Variants in KRTDAP observed in about 807,000 individuals in gnomAD.
The protein encoded by KRTDAP is keratinocyte differentiation associated protein.
KRTDAP carries 14 observed loss-of-function variants against 18.6 expected under a neutral mutation model. The ratio of observed to expected loss-of-function variants is 0.75; its 90% confidence interval spans 0.50 to 1.18. The LOEUF (loss-of-function observed/expected upper bound fraction) is 1.18, where lower values mean the gene tolerates loss of function less well. Ranked by LOEUF, KRTDAP falls within the 50% of genes most tolerant of loss-of-function variation. The probability of loss-of-function intolerance (pLI) is 0.00; values close to 1 mark genes in which losing one functional copy is unlikely to be tolerated. For synonymous variants in KRTDAP, 53 were observed against 49.5 expected, an observed-to-expected ratio of 1.07 and a Z score of -0.29; for missense variants, 114 against 121.3, an observed-to-expected ratio of 0.94 and a Z score of 0.28.
intron 4 of KRTDAP, 135 bp from the exon 5 acceptor site, chr19:35,487,894 G>A (rs902216500): frequency 4.5e-6 from 3 of 665,536 alleles, no homozygotes; most frequent in Admixed American, 2.3e-5. Flanking sequence ...TTTATCAAGA[G>A]CTAATATTTC....
At chr19:35,490,054 A>G (rs2067513610) in intron 1 of KRTDAP, among the ~76,000 whole-genome samples, 1 of 112,208 alleles carries the variant, frequency 8.9e-6, no homozygotes. Context: ...GAATGGGTGA[A>G]CACTCTTGAG....
At chr19:35,488,051 A>C (rs551308420) in intron 4 of KRTDAP, among the ~76,000 whole-genome samples, 26 of 152,162 alleles carry the variant, frequency 1.7e-4, no homozygotes, top group African/African-American at 6.0e-4. Context: ...AGGCGTTCGC[A>C]TGAGGCCATG....
chr19:35,488,207 A>G (rs1004891357), intron 4 of KRTDAP, among the ~76,000 whole-genome samples: 1 of 152,158 alleles, frequency 6.6e-6, no homozygotes, highest in African/African-American at 2.4e-5. Context: ...CTCTTCTGCA[A>G]TTGTCCTTGG....
Position 35,488,944 on chromosome 19 carries a change from C to A in KRTDAP, c.88-104G>T. On this transcript the variant is annotated intron_variant, in intron 1 of 5. Coordinates refer to ENST00000338897, the MANE Select transcript of KRTDAP (RefSeq NM_207392.3). ...CTGCCTTCATCCACAGCCCAGTCCC[C>A]GAAAGAACGCAACCCATTCCCCACC... 2.8e-6 allele frequency: 3 copies of A among 1,063,024 alleles called. No homozygotes were observed. In the South Asian group the frequency reaches 4.3e-5, roughly 15 times the overall value. The allele number at this position is 1,063,024 out of a possible 1,614,324, so 65.8% of individuals were successfully genotyped here.
intron 4 of KRTDAP, 23 bp from the exon 5 acceptor site, chr19:35,487,782 G>T: frequency 6.3e-7 from 1 of 1,594,776 alleles, no homozygotes. Context: ...AAGAGAAAGA[G>T]AGTGATGTGT....
rs1234069215 is a variant in KRTDAP, at chr19:35,487,441, G to A, written c.287C>T (p.Pro96Leu). The part of the protein sequence containing the change: ...PKLKGLRSAT[P>L]DAQ ...TGGAGGTCATGGTCACTGGGCATCA[G>A]GAGTTGCGCTCCTCAGTCCTTTCAG... Residue 96 changes from proline (P) to leucine (L), a missense_variant, in exon 6 of 6, where the codon CCT becomes CTT. Transcript: ENST00000338897. 1 of 1,614,136 alleles carries A rather than the reference G, an allele frequency of 6.2e-7. No homozygotes were observed. The highest frequency in any genetic ancestry group is 2.2e-5 in the East Asian group (1 of 44,888).
At position 35,488,425 on chromosome 19, in the gene KRTDAP, G is replaced by A. The variant is rs772533973; in HGVS notation, c.213+16C>T. 1.8e-5 allele frequency: 29 copies of A among 1,611,262 alleles called. No homozygotes were observed. The highest frequency in any genetic ancestry group is 8.8e-5 in the South Asian group (8 of 90,464). On this transcript the variant is annotated intron_variant, in intron 4 of 5. Transcript: ENST00000338897. ...TGCAGACAACCGAGGAGGGCAAGGG[G>A]CGCCGGAGCACTCACCTCAAAGAGG... is the stretch of plus-strand genomic sequence containing the variant.
At chr19:35,490,253 T>G in intron 1 of KRTDAP, 103 bp downstream of exon 1, 1 of 682,386 alleles carries the variant, frequency 1.5e-6, no homozygotes, top group Non-Finnish European at 2.5e-6. Context: ...CCCATCAGAA[T>G]CCAAAACTAA....
chr19:35,488,333 C>G (rs1841949838), intron 4 of KRTDAP, 108 bp downstream of exon 4: 1 of 1,147,680 alleles, frequency 8.7e-7, no homozygotes, highest in African/African-American at 1.5e-5. Flanking sequence ...CAGTCACTCC[C>G]TCCCAGAGAT....
intron 4 of KRTDAP, among the ~76,000 whole-genome samples, chr19:35,488,017 G>C (rs1212898382): frequency 6.6e-6 from 1 of 152,172 alleles, no homozygotes; most frequent in African/African-American, 2.4e-5. Flanking sequence ...ACATCACAGA[G>C]GAAGCGGAGG....
chr19:35,487,518 A>T (rs750300361), intron 5 of KRTDAP, 52 bp from the exon 6 acceptor site: 2 of 1,501,618 alleles, frequency 1.3e-6, no homozygotes, highest in Admixed American at 3.4e-5. Context: ...TGCCCAGTAT[A>T]GGATGGCATG....
chr19:35,488,722 T>C lies in KRTDAP; in HGVS notation c.127-19A>G, dbSNP rs756834123. On this transcript the variant is annotated intron_variant, in intron 2 of 5. Coordinates refer to ENST00000338897, the MANE Select transcript of KRTDAP (RefSeq NM_207392.3). ...TAAAGGCCTAGGCAGAAACGCAGGG[T>C]GTTAGGAAAGTTGCTAAGAAGCAAA... 2.5e-6 allele frequency: 4 copies of C among 1,613,688 alleles called. No individual in the cohort carries two copies. In the East Asian group the frequency reaches 8.9e-5, roughly 36 times the overall value.
At chr19:35,488,758 G>A (rs771233704) in intron 2 of KRTDAP, 44 bp downstream of exon 2, 2 of 1,614,076 alleles carry the variant, frequency 1.2e-6, no homozygotes, top group African/African-American at 1.3e-5. Context: ...AAGAGAGAGA[G>A]GACAGACTCG....
Position 35,488,708 on chromosome 19 carries a change from G to A in KRTDAP, c.127-5C>T, listed in dbSNP as rs1293738484. ...CAGGAACGGGGTGTTAAAGGCCTAG[G>A]CAGAAACGCAGGGTGTTAGGAAAGT... On this transcript the variant is annotated splice_polypyrimidine_tract_variant and splice_region_variant and intron_variant, in intron 2 of 5. Coordinates refer to ENST00000338897, the MANE Select transcript of KRTDAP (RefSeq NM_207392.3). 5 of 1,614,084 alleles carry A rather than the reference G, an allele frequency of 3.1e-6. No homozygotes were observed. The South Asian group carries it at 5.5e-5, about 18-fold the overall frequency.
intron 1 of KRTDAP, 59 bp downstream of exon 1, chr19:35,490,297 G>C: frequency 9.4e-7 from 1 of 1,069,258 alleles, no homozygotes; most frequent in Non-Finnish European, 1.4e-6. Flanking sequence ...AGGAGGTAGA[G>C]AGATGGAGGG....
chr19:35,487,442 G>T lies in KRTDAP; in HGVS notation c.286C>A (p.Pro96Thr). 6.2e-7 allele frequency: 1 copy of T among 1,614,126 alleles called. No homozygotes were observed. Among genetic ancestry groups the T allele is most frequent in the Non-Finnish European group, 8.5e-7 (1 of 1,179,974 alleles). Residue 96 changes from proline (P) to threonine (T), a missense_variant, in exon 6 of 6, where the codon CCT becomes ACT. By Grantham distance (38) the Pro-to-Thr change is conservative. Transcript: ENST00000338897. ...PKLKGLRSATPDAQ is the reference protein window; with the variant it reads ...PKLKGLRSATTDAQ ...GGAGGTCATGGTCACTGGGCATCAG[G>T]AGTTGCGCTCCTCAGTCCTTTCAGC... is the stretch of plus-strand genomic sequence containing the variant.
At chr19:35,489,528 C>T (rs538546940) in intron 1 of KRTDAP, among the ~76,000 whole-genome samples, 1 of 152,314 alleles carries the variant, frequency 6.6e-6, no homozygotes, top group African/African-American at 2.4e-5. Flanking sequence ...ACTCTAGGCA[C>T]ATCTTCCCAA....
At position 35,487,645 on chromosome 19, in the gene KRTDAP, C is replaced by T. The variant is rs139961250; in HGVS notation, c.261+67G>A. ...CCTCCTTTCCCTGTCCCCACTCTCT[C>T]TCCCATATCTTCTGCTTCTTCCCTT... On this transcript the variant is annotated intron_variant, in intron 5 of 5. Transcript: ENST00000338897. 2.8e-4 allele frequency: 386 copies of T among 1,378,084 alleles called. 2 individuals are homozygous for T. In the East Asian group the frequency reaches 8.5e-3, roughly 30 times the overall value. The allele number at this position is 1,378,084 out of a possible 1,614,324, so 85.4% of individuals were successfully genotyped here.
rs750042729 is a variant in KRTDAP at position 35,488,792 on chromosome 19, G to A, written c.126+10C>T. On this transcript the variant is annotated intron_variant, in intron 2 of 5. Transcript: ENST00000338897. ...CGTGGCTGGAGGGCCGGGGAAAACA[G>A]ACGGCTTACCTCGGGTCGTGACGCA... 1 of 1,614,226 alleles carries A rather than the reference G, an allele frequency of 6.2e-7. No individual in the cohort carries two copies. Among genetic ancestry groups the A allele is most frequent in the South Asian group, 1.1e-5 (1 of 91,084 alleles).
Sources: gnomAD v4.1 joint callset for allele counts (sites outside exome capture counted in the v4.1 genomes callset) on GRCh38, gnomAD v4.1.1 for gene constraint, MANE v1.5 for transcripts, NCBI Gene and HGNC (gene_info 2026-07-23, HGNC 2026-07-21) for gene names.